GRID2: variants seen among roughly 807,000 people sequenced by gnomAD.
The protein encoded by GRID2 is glutamate receptor ionotropic, delta-2.
Under a neutral mutation model 114.8 loss-of-function variants are expected in GRID2, and 33 were observed. That is an observed-to-expected ratio of 0.29 (90% CI 0.22 to 0.38). GRID2 has a LOEUF of 0.38. GRID2 is among the 10% of genes least tolerant of loss of function. GRID2 has a pLI of 1.00. For synonymous variants in GRID2, 505 were observed against 449.9 expected (o/e 1.12, Z -1.55); for missense variants, 1,184 against 1,257.7 (o/e 0.94, Z 0.89).
chr4:92,882,977 A>G (rs1369005481), intron 2 of GRID2, among the ~76,000 whole-genome samples: 3 of 152,140 alleles, frequency 2.0e-5, no homozygotes, highest in Non-Finnish European at 2.9e-5. Context: ...ATTTCTTATA[A>G]TAAGACAACA....
At chr4:93,298,938 T>C (rs1230792898) in intron 8 of GRID2, among the ~76,000 whole-genome samples, 1 of 152,234 alleles carries the variant, frequency 6.6e-6, no homozygotes, top group East Asian at 1.9e-4. Flanking sequence ...TAGTGAGTAA[T>C]GAAATGAGAT....
chr4:93,552,792 C>G (rs1578244727), intron 13 of GRID2, among the ~76,000 whole-genome samples: 1 of 148,766 alleles, frequency 6.7e-6, no homozygotes, highest in African/African-American at 2.5e-5. Flanking sequence ...CAGCCCCCCA[C>G]CCCCCAATAG....
At chr4:93,253,093 CAA>C (rs34432102) in intron 8 of GRID2, among the ~76,000 whole-genome samples, 2 of 142,480 alleles carry the variant, frequency 1.4e-5, no homozygotes, top group Non-Finnish European at 3.0e-5. Flanking sequence ...ACTAAAAATA[CAA>C]AAAAAAAAAA....
chr4:93,725,907 C>T lies in GRID2; in HGVS notation c.2361-43303C>T, dbSNP rs550976282. Among the ~76,000 whole-genome samples, 11 of 152,172 alleles carry T rather than the reference C, an allele frequency of 7.2e-5. 1 individual carries two copies. Among genetic ancestry groups the T allele is most frequent in the South Asian group, 6.2e-4 (3 of 4,830 alleles). ...AGCCCTTTGTCAGATGATTAGGTTGCAAAAATTTTCTCCCATTCTGTAGGT... is the reference window on the plus strand; with the variant it reads ...AGCCCTTTGTCAGATGATTAGGTTGTAAAAATTTTCTCCCATTCTGTAGGT... On this transcript the variant is annotated intron_variant, in intron 14 of 15. Coordinates refer to ENST00000282020, the MANE Select transcript of GRID2 (RefSeq NM_001510.4).
At chr4:92,704,422 A>G (rs1734840313) in intron 2 of GRID2, among the ~76,000 whole-genome samples, 1 of 152,078 alleles carries the variant, frequency 6.6e-6, no homozygotes, top group Non-Finnish European at 1.5e-5. Flanking sequence ...ATCATTTGTC[A>G]TTTTGTTTTG....
chr4:93,594,611 A>T (rs935862987), intron 13 of GRID2, among the ~76,000 whole-genome samples: 5 of 152,148 alleles, frequency 3.3e-5, no homozygotes, highest in African/African-American at 1.2e-4. Flanking sequence ...TGCTTTGTTT[A>T]CCTAAGCAAG....
chr4:92,410,374 T>C (rs1222559898), intron 1 of GRID2, among the ~76,000 whole-genome samples: 1 of 152,226 alleles, frequency 6.6e-6, no homozygotes, highest in Non-Finnish European at 1.5e-5. Flanking sequence ...TTGAACTCAG[T>C]GTCTGAGAAT....
At chr4:93,008,445 A>G (rs1721788349) in intron 2 of GRID2, among the ~76,000 whole-genome samples, 1 of 152,074 alleles carries the variant, frequency 6.6e-6, no homozygotes, top group African/African-American at 2.4e-5. Context: ...CCCAATCTAT[A>G]TAGTTGAATT....
intron 2 of GRID2, among the ~76,000 whole-genome samples, chr4:92,978,083 A>G (rs558470071): frequency 1.3e-5 from 2 of 152,296 alleles, no homozygotes; most frequent in South Asian, 2.1e-4. Context: ...TTCACGACCA[A>G]TCCATAGGTA....
chr4:93,144,298 T>C (rs528455597), intron 4 of GRID2, among the ~76,000 whole-genome samples: 120 of 152,360 alleles, frequency 7.9e-4, no homozygotes, highest in African/African-American at 2.7e-3. Flanking sequence ...TGCTAAATTC[T>C]TTATGTGCAT....
At chr4:92,592,022 A>G (rs920773242) in intron 2 of GRID2, among the ~76,000 whole-genome samples, 2 of 152,014 alleles carry the variant, frequency 1.3e-5, no homozygotes, top group Non-Finnish European at 2.9e-5. Context: ...TAAATTTTCT[A>G]TGGAAATATT....
At position 92,534,278 on chromosome 4, in the gene GRID2, T is replaced by C. The variant is rs190700422; in HGVS notation, c.89-55853T>C. On this transcript the variant is annotated intron_variant, in intron 1 of 15. Coordinates refer to ENST00000282020, the MANE Select transcript of GRID2 (RefSeq NM_001510.4). ...TTTACATTTACATATTTAACAGGAA[T>C]GTAGACATACTTGCAAAAGTGACTG... 6.5e-3 allele frequency among the ~76,000 whole-genome samples: 987 copies of C among 152,272 alleles called. 6 individuals carry two copies. The highest frequency in any genetic ancestry group is 0.01 in the Middle Eastern group (3 of 294).
At chr4:92,600,292 C>A (rs966127291) in intron 2 of GRID2, among the ~76,000 whole-genome samples, 2 of 151,304 alleles carry the variant, frequency 1.3e-5, no homozygotes, top group Non-Finnish European at 2.9e-5. Flanking sequence ...TAAACCTGAG[C>A]AAGGTATAGA....
intron 2 of GRID2, among the ~76,000 whole-genome samples, chr4:92,790,708 G>C (rs1330226786): frequency 6.8e-6 from 1 of 146,250 alleles, no homozygotes; most frequent in Admixed American, 6.9e-5. Flanking sequence ...ATGAGCTACT[G>C]TGCCCAGCTT....
At chr4:92,502,743 A>T (rs1048859355) in intron 1 of GRID2, among the ~76,000 whole-genome samples, 11 of 109,842 alleles carry the variant, frequency 1.0e-4, no homozygotes, top group Non-Finnish European at 1.5e-4. Context: ...TCCTATACGA[A>T]GTCTTGCTCT....
At chr4:92,773,661 CCATA>C (rs1422924216) in intron 2 of GRID2, among the ~76,000 whole-genome samples, 5 of 151,486 alleles carry the variant, frequency 3.3e-5, no homozygotes, top group African/African-American at 1.2e-4. Flanking sequence ...TTAACTATTC[CCATA>C]CAGTTTAATG....
intron 8 of GRID2, among the ~76,000 whole-genome samples, chr4:93,246,649 A>G (rs1007504338): frequency 1.3e-5 from 2 of 151,992 alleles, no homozygotes; most frequent in Non-Finnish European, 2.9e-5. Flanking sequence ...TGTGAACACA[A>G]TAGCTTTTAT....
intron 2 of GRID2, among the ~76,000 whole-genome samples, chr4:92,693,020 CAA>C (rs70942926): frequency 0.22 from 27,798 of 128,976 alleles, 2,901 homozygotes; most frequent in East Asian, 0.37. Flanking sequence ...GAAACTGTCT[CAA>C]AAAAAAAAAA....
At chr4:93,262,902 A>T (rs550447594) in intron 8 of GRID2, among the ~76,000 whole-genome samples, 15 of 151,226 alleles carry the variant, frequency 9.9e-5, no homozygotes, top group African/African-American at 3.1e-4. Context: ...TTACTATTAA[A>T]TTTTTTTTTC....
Sources: gnomAD v4.1 joint callset for allele counts (sites outside exome capture counted in the v4.1 genomes callset) on GRCh38, gnomAD v4.1.1 for gene constraint, MANE v1.5 for transcripts, NCBI Gene and HGNC (gene_info 2026-07-23, HGNC 2026-07-21) for gene names.